Variants in FYB1 observed in about 807,000 individuals in gnomAD.
The protein encoded by FYB1 is FYN binding protein 1.
A neutral mutation model predicts 94.1 loss-of-function variants in FYB1; 41 were observed. The ratio of observed to expected loss-of-function variants is 0.44; its 90% CI spans 0.34 to 0.57. The LOEUF is 0.57. Ranked by LOEUF, FYB1 falls within the 20% of genes least tolerant of loss-of-function variation. The probability of loss-of-function intolerance (pLI) is 0.02; values close to 1 mark genes in which losing one functional copy is unlikely to be tolerated. For synonymous variants in FYB1, 367 were observed against 353.2 expected, an observed-to-expected ratio of 1.04 and a Z score of -0.44; for missense variants, 1,050 against 976.8, an observed-to-expected ratio of 1.07 and a Z score of -1.00.
Position 39,106,063 on chromosome 5 carries a change from T to C in FYB1, c.*1380A>G, listed in dbSNP as rs1002400609. 6.6e-6 allele frequency: 1 copy of C among 152,210 alleles called. No homozygotes were observed. The highest frequency in any genetic ancestry group is 2.4e-5 in the African/African-American group (1 of 41,456). The allele number at this position is 152,210 out of a possible 1,614,324, so 9.4% of individuals were successfully genotyped here. A position where few individuals can be genotyped will look rare whatever the true frequency, so the allele number is the denominator to read the frequency against. ...GCAATATTAAAATGTGGAGAATGCA[T>C]TAATCATTATTTAATCAATGAGTTT... On this transcript the variant is annotated 3_prime_UTR_variant, in exon 19 of 19. Transcript: ENST00000512982.
chr5:39,142,138 A>T (rs1333537517), intron 3 of FYB1, among the ~76,000 whole-genome samples: 1 of 152,228 alleles, frequency 6.6e-6, no homozygotes, highest in African/African-American at 2.4e-5. Context: ...GACTCTGGAC[A>T]TTACAAACAA....
intron 1 of FYB1, among the ~76,000 whole-genome samples, chr5:39,226,792 GGCAAA>G (rs1750490338): frequency 1.3e-5 from 2 of 152,314 alleles, no homozygotes; most frequent in South Asian, 4.1e-4. Context: ...GGTGGTGCCA[GGCAAA>G]CTGCTATTGT....
At chr5:39,233,575 A>G (rs1750837967) in intron 1 of FYB1, among the ~76,000 whole-genome samples, 2 of 152,174 alleles carry the variant, frequency 1.3e-5, no homozygotes, top group Admixed American at 1.3e-4. Context: ...ACAATAAATC[A>G]TTACATATTA....
intron 10 of FYB1, among the ~76,000 whole-genome samples, chr5:39,130,272 G>T (rs1254113332): frequency 6.6e-6 from 1 of 152,006 alleles, no homozygotes; most frequent in African/African-American, 2.4e-5. Flanking sequence ...AATGTGTTTG[G>T]GGGGACATGA....
At position 39,219,478 on chromosome 5, in the gene FYB1, C is replaced by T; in HGVS notation, c.-63G>A. ...CAGAAGAAGGCGGAAGGATGGCCTC[C>T]TTTAGTGGATCTTCCTGGGCCAGGG... On this transcript the variant is annotated 5_prime_UTR_variant, in exon 1 of 19. Coordinates refer to ENST00000512982, the MANE Select transcript of FYB1 (RefSeq NM_001465.6). The T allele has an allele frequency of 7.1e-6, 7 of 985,520 alleles. No homozygotes were observed. Among genetic ancestry groups the T allele is most frequent in the Non-Finnish European group, 7.2e-6 (6 of 829,958 alleles). The allele number at this position is 985,520 out of a possible 1,614,324, so 61.0% of individuals were successfully genotyped here. A position where few individuals can be genotyped will look rare whatever the true frequency, so the allele number is the denominator to read the frequency against.
chr5:39,125,870 C>G, intron 12 of FYB1, 128 bp downstream of exon 12: 1 of 930,262 alleles, frequency 1.1e-6, no homozygotes, highest in Non-Finnish European at 1.6e-6. Flanking sequence ...AGATGATTAA[C>G]GGAAAATTGC....
chr5:39,224,646 GA>G (rs1358573396), intron 1 of FYB1, among the ~76,000 whole-genome samples: 1 of 152,146 alleles, frequency 6.6e-6, no homozygotes, highest in Non-Finnish European at 1.5e-5. Context: ...TAGGAGAGAA[GA>G]AAAGAAATGG....
At chr5:39,230,649 AC>A (rs1444339447) in intron 1 of FYB1, among the ~76,000 whole-genome samples, 2 of 152,048 alleles carry the variant, frequency 1.3e-5, no homozygotes, top group African/African-American at 4.8e-5. Context: ...GCTTACAGTC[AC>A]TTTTTTAAAA....
At chr5:39,241,543 T>C (rs1278208228) in intron 1 of FYB1, among the ~76,000 whole-genome samples, 1 of 152,126 alleles carries the variant, frequency 6.6e-6, no homozygotes, top group Non-Finnish European at 1.5e-5. Flanking sequence ...GAGTGATAAA[T>C]AGGTGGTAGA....
At chr5:39,256,196 A>G (rs1288801169) in intron 1 of FYB1, among the ~76,000 whole-genome samples, 1 of 152,176 alleles carries the variant, frequency 6.6e-6, no homozygotes, top group Non-Finnish European at 1.5e-5. Flanking sequence ...CCAAGAAGGC[A>G]TTTTTTCCTC....
intron 12 of FYB1, among the ~76,000 whole-genome samples, chr5:39,125,393 T>C (rs963509833): frequency 6.6e-6 from 1 of 152,182 alleles, no homozygotes; most frequent in Non-Finnish European, 1.5e-5. Flanking sequence ...AGAGAAAAGT[T>C]ATGCCTTAGA....
intron 3 of FYB1, among the ~76,000 whole-genome samples, chr5:39,141,359 A>G (rs557542308): frequency 2.0e-5 from 3 of 152,362 alleles, no homozygotes; most frequent in African/African-American, 7.2e-5. Context: ...AGCACCATCT[A>G]TTCATAGTAG....
At chr5:39,270,926 ATG>A (rs4018945) in intron 1 of FYB1, 66 of 166,480 alleles carry the variant, frequency 4.0e-4, no homozygotes, top group Middle Eastern at 2.8e-3. Context: ...TTGGATACAT[ATG>A]TGTGTGTGTG....
chr5:39,119,573 G>C lies in FYB1; in HGVS notation c.2200C>G (p.Gln734Glu). 1.3e-6 allele frequency: 2 copies of C among 1,546,300 alleles called. No homozygotes were observed. Among genetic ancestry groups the C allele is most frequent in the Non-Finnish European group, 1.7e-6 (2 of 1,144,650 alleles). Residue 734 changes from glutamine to glutamate, a missense_variant, in exon 15 of 19, where the codon CAG becomes GAG. Gln to Glu is a conservative substitution (Grantham distance 29, BLOSUM62 2). Transcript: ENST00000512982. ...EEKDLKKLKK[Q>E]EKEEKDFRKK... ...CTGAAGTCTTTTTCTTCTTTTTCCT[G>C]CTTTTTTAGCTTCTTAAGGTCCTTT...
At chr5:39,110,714 G>T in intron 16 of FYB1, 1 of 300,928 alleles carries the variant, frequency 3.3e-6, no homozygotes, top group Non-Finnish European at 6.3e-6. Flanking sequence ...TTACCCCCAT[G>T]ATCCAGTTTT....
intron 1 of FYB1, among the ~76,000 whole-genome samples, chr5:39,246,861 A>G (rs1443108706): frequency 1.3e-5 from 2 of 152,016 alleles, no homozygotes; most frequent in Non-Finnish European, 2.9e-5. Flanking sequence ...AGAATAATAC[A>G]GAGGGTTAGA....
chr5:39,111,223 A>G (rs1739044857), intron 16 of FYB1, among the ~76,000 whole-genome samples: 1 of 151,950 alleles, frequency 6.6e-6, no homozygotes, highest in Admixed American at 6.6e-5. Context: ...AATCTTTGGA[A>G]TTGTTAGTTT....
chr5:39,150,801 G>A (rs1026147870), intron 3 of FYB1, among the ~76,000 whole-genome samples: 3 of 152,094 alleles, frequency 2.0e-5, no homozygotes, highest in East Asian at 3.9e-4. Flanking sequence ...TGCATACCTT[G>A]CCTGCATTTC....
intron 1 of FYB1, among the ~76,000 whole-genome samples, chr5:39,235,050 GAATAAT>G (rs36227810): frequency 0.65 from 96,709 of 148,374 alleles, 35,454 homozygotes; most frequent in Non-Finnish European, 0.83. Flanking sequence ...AGAACTTAAA[GAATAAT>G]AATAATAATA....
Sources: allele counts gnomAD v4.1 joint callset (sites outside exome capture counted in the v4.1 genomes callset), GRCh38; gene constraint gnomAD v4.1.1; transcripts MANE v1.5; gene names NCBI Gene and HGNC (gene_info 2026-07-23, HGNC 2026-07-21).